DCDC2: variants seen among roughly 807,000 people sequenced by gnomAD.
DCDC2 encodes doublecortin domain-containing protein 2.
Under a neutral mutation model 50.2 loss-of-function variants are expected in DCDC2, and 40 were observed. The ratio of observed to expected loss-of-function variants is 0.80; its 90% confidence interval spans 0.62 to 1.04. The LOEUF (loss-of-function observed/expected upper bound fraction) is 1.04. Among genes scored for constraint, DCDC2 ranks in the 50% least tolerant of loss-of-function variants. The probability of loss-of-function intolerance (pLI) is 0.00; values close to 1 mark genes in which losing one functional copy is unlikely to be tolerated. For synonymous variants in DCDC2, 234 were observed against 210.6 expected, an observed-to-expected ratio of 1.11 and a Z score of -0.96; for missense variants, 570 against 581.9, an observed-to-expected ratio of 0.98 and a Z score of 0.21.
chr6:24,187,823 C>T (rs375332800), intron 8 of DCDC2, among the ~76,000 whole-genome samples: 52 of 152,266 alleles, frequency 3.4e-4, no homozygotes, highest in African/African-American at 1.0e-3. Flanking sequence ...AGTGCTATGG[C>T]CTAAGCACGT....
chr6:24,176,981 C>A (rs1164002257), intron 9 of DCDC2, among the ~76,000 whole-genome samples: 1 of 152,302 alleles, frequency 6.6e-6, no homozygotes, highest in Non-Finnish European at 1.5e-5. Flanking sequence ...GAAGGACAGG[C>A]AATCCATTCA....
intron 7 of DCDC2, among the ~76,000 whole-genome samples, chr6:24,214,582 G>T (rs1761937612): frequency 6.6e-6 from 1 of 152,076 alleles, no homozygotes; most frequent in Non-Finnish European, 1.5e-5. Flanking sequence ...CTCTGAGTAG[G>T]TTTACCTAAA....
At chr6:24,205,139 A>G (rs767678103) in intron 7 of DCDC2, 37 bp from the exon 8 acceptor site, 8 of 1,614,100 alleles carry the variant, frequency 5.0e-6, no homozygotes, top group Non-Finnish European at 6.8e-6. Context: ...TCAAAATCCA[A>G]TTGTGACATC....
intron 4 of DCDC2, among the ~76,000 whole-genome samples, chr6:24,301,016 T>C (rs1230280947): frequency 2.0e-5 from 3 of 150,264 alleles, no homozygotes; most frequent in Non-Finnish European, 4.4e-5. Flanking sequence ...CCTAGGCAAA[T>C]AGTTTAAACT....
At chr6:24,370,788 T>G in the DCDC2 span, among the ~76,000 whole-genome samples, 2 of 152,212 alleles carry the variant, frequency 1.3e-5, no homozygotes, top group African/African-American at 2.4e-5. Context: ...TGACATATGT[T>G]ATACATGAAT....
At chr6:24,258,592 C>T (rs542413167) in intron 7 of DCDC2, among the ~76,000 whole-genome samples, 1 of 152,294 alleles carries the variant, frequency 6.6e-6, no homozygotes, top group South Asian at 2.1e-4. Flanking sequence ...CTCCGTAGCA[C>T]CACAATATGG....
At chr6:24,372,291 C>T in the DCDC2 span, among the ~76,000 whole-genome samples, 2 of 151,954 alleles carry the variant, frequency 1.3e-5, no homozygotes, top group African/African-American at 4.8e-5. Context: ...ATGGTGCGGG[C>T]GTCTGTAGTC....
At chr6:24,334,912 T>C (rs563763650) in intron 2 of DCDC2, among the ~76,000 whole-genome samples, 1 of 152,148 alleles carries the variant, frequency 6.6e-6, no homozygotes, top group African/African-American at 2.4e-5. Context: ...CAGCACTTAT[T>C]CTCCAGAGAC....
chr6:24,181,092 C>T (rs1005710991), intron 8 of DCDC2, among the ~76,000 whole-genome samples: 12 of 152,090 alleles, frequency 7.9e-5, no homozygotes, highest in African/African-American at 2.4e-4. Flanking sequence ...AAATTTTATT[C>T]GGATGCTTAA....
chr6:24,308,323 T>C lies in DCDC2; in HGVS notation c.349-6279A>G, dbSNP rs1221291258. On this transcript the variant is annotated intron_variant, in intron 2 of 9. Coordinates refer to ENST00000378454, the MANE Select transcript of DCDC2 (RefSeq NM_016356.5). ...CAGAAAGCAAGCCCTGATTTCACCCTCAAAGTGTTTGAAACCACTAGTAAA... is the reference window on the plus strand; with the variant it reads ...CAGAAAGCAAGCCCTGATTTCACCCCCAAAGTGTTTGAAACCACTAGTAAA... Among the ~76,000 whole-genome samples, 4 of 152,218 alleles carry C rather than the reference T, an allele frequency of 2.6e-5. No individual in the cohort carries two copies. In the East Asian group the frequency reaches 7.7e-4, roughly 29 times the overall value.
intron 6 of DCDC2, among the ~76,000 whole-genome samples, chr6:24,278,804 C>T (rs542678273): frequency 3.3e-5 from 5 of 152,340 alleles, no homozygotes; most frequent in Admixed American, 1.3e-4. Flanking sequence ...TGTCATCCTA[C>T]AAGCAGCCAT....
intron 7 of DCDC2, among the ~76,000 whole-genome samples, chr6:24,248,487 A>G (rs191678594): frequency 6.6e-6 from 1 of 152,294 alleles, no homozygotes; most frequent in African/African-American, 2.4e-5. Flanking sequence ...GGATGTCCTT[A>G]ATCAGTGGTA....
intron 7 of DCDC2, among the ~76,000 whole-genome samples, chr6:24,224,708 C>T (rs907627307): frequency 1.3e-5 from 2 of 152,134 alleles, no homozygotes; most frequent in Non-Finnish European, 2.9e-5. Flanking sequence ...TTCCTTTCTC[C>T]AGGAAGCCCA....
intron 7 of DCDC2, among the ~76,000 whole-genome samples, chr6:24,276,149 G>T (rs565552869): frequency 9.2e-5 from 14 of 151,940 alleles, no homozygotes; most frequent in African/African-American, 3.1e-4. Context: ...GATCACAAGC[G>T]TGAGCCACTG....
At chr6:24,325,506 C>T (rs1053103924) in intron 2 of DCDC2, among the ~76,000 whole-genome samples, 1 of 149,444 alleles carries the variant, frequency 6.7e-6, no homozygotes, top group Non-Finnish European at 1.5e-5. Context: ...GCAAGGGAGA[C>T]CTGATGGCCC....
the DCDC2 span, among the ~76,000 whole-genome samples, chr6:24,370,130 C>T: frequency 0.42 from 63,865 of 152,008 alleles, 14,845 homozygotes; most frequent in Non-Finnish European, 0.52. Context: ...GGTTGTCATA[C>T]GGAAGGAAAA....
chr6:24,295,081 CT>C (rs1178039088), intron 4 of DCDC2, among the ~76,000 whole-genome samples: 1 of 152,158 alleles, frequency 6.6e-6, no homozygotes, highest in East Asian at 1.9e-4. Context: ...CAACAAAATA[CT>C]TGCAAACTGA....
rs1213093667 is a variant in DCDC2 at position 24,301,638 on chromosome 6, C to T, written c.557+77G>A. On this transcript the variant is annotated intron_variant, in intron 4 of 9. Coordinates refer to ENST00000378454, the MANE Select transcript of DCDC2 (RefSeq NM_016356.5). ...GGGAGCCAAAATTCAAATCCACAGA[C>T]CAGTGACTCCGGAGCCTCCTGAGAA... is the stretch of plus-strand genomic sequence containing the variant. The T allele has an allele frequency of 1.9e-6, 3 of 1,551,778 alleles. No homozygotes were observed. In the African/African-American group the frequency reaches 4.1e-5, roughly 21 times the overall value.
intron 2 of DCDC2, among the ~76,000 whole-genome samples, chr6:24,333,399 T>C (rs746207810): frequency 1.3e-5 from 2 of 152,174 alleles, no homozygotes; most frequent in Non-Finnish European, 2.9e-5. Flanking sequence ...CAGACTTCTA[T>C]TGACCAGAAC....
Sources: allele counts gnomAD v4.1 joint callset (sites outside exome capture counted in the v4.1 genomes callset), GRCh38; gene constraint gnomAD v4.1.1; transcripts MANE v1.5; gene names NCBI Gene and HGNC (gene_info 2026-07-23, HGNC 2026-07-21).